Variants in COL25A1 observed in about 807,000 individuals in gnomAD.
COL25A1 encodes collagen type XXV alpha 1 chain.
In COL25A1, 103 loss-of-function variants were observed where a neutral mutation model predicts 128.4. That is an observed-to-expected ratio of 0.80 (90% CI 0.68 to 0.94). The LOEUF (loss-of-function observed/expected upper bound fraction) is 0.94, where lower values mean the gene tolerates loss of function less well. Among genes scored for constraint, COL25A1 ranks in the 40% least tolerant of loss-of-function variants. The pLI, the probability that COL25A1 is intolerant of heterozygous loss-of-function variation, is 0.00. For missense variants in COL25A1, 745 were observed against 840.0 expected (o/e 0.89, Z 1.40); for synonymous variants, 279 against 277.2 (o/e 1.01, Z -0.06).
Position 108,841,740 on chromosome 4 carries a change from GC to G in COL25A1, c.1630-20del. ...GAGGTCCCTGAAAATGGAAAACAGAGCTTTTAATTAAGAATTGATTCCCTGT... is the reference window on the plus strand; with the variant it reads ...GAGGTCCCTGAAAATGGAAAACAGAGTTTTAATTAAGAATTGATTCCCTGT... On this transcript the variant is annotated intron_variant, in intron 30 of 37. Transcript: ENST00000399132. 1 of 1,599,424 alleles carries G rather than the reference GC, an allele frequency of 6.3e-7. No homozygotes were observed. Among genetic ancestry groups the G allele is most frequent in the Non-Finnish European group, 8.6e-7 (1 of 1,166,968 alleles).
chr4:109,091,752 G>A (rs1425004630), intron 3 of COL25A1, among the ~76,000 whole-genome samples: 3 of 149,690 alleles, frequency 2.0e-5, no homozygotes, highest in Non-Finnish European at 3.0e-5. Context: ...AAAAAGCCCT[G>A]TACAATACTG....
chr4:109,257,957 G>A (rs1781184356), intron 3 of COL25A1, among the ~76,000 whole-genome samples: 1 of 152,168 alleles, frequency 6.6e-6, no homozygotes, highest in Admixed American at 6.5e-5. Context: ...TAGGAAGTTG[G>A]TAAAATATGA....
chr4:108,870,278 T>C (rs959105593), intron 19 of COL25A1, among the ~76,000 whole-genome samples: 6 of 151,986 alleles, frequency 3.9e-5, no homozygotes, highest in Non-Finnish European at 7.4e-5. Context: ...CAAAAAGACA[T>C]ACTAAAATGT....
chr4:108,939,697 G>C (rs1245619852), intron 10 of COL25A1, among the ~76,000 whole-genome samples: 6 of 151,984 alleles, frequency 3.9e-5, no homozygotes, highest in African/African-American at 9.7e-5. Context: ...AAAATAATTT[G>C]TTAAATAAAT....
chr4:108,993,588 G>A (rs1236586368), intron 6 of COL25A1, among the ~76,000 whole-genome samples: 2 of 152,110 alleles, frequency 1.3e-5, no homozygotes. Context: ...AGCTGGGTGC[G>A]GTGACTCACG....
chr4:109,298,955 T>G (rs1466688974), intron 3 of COL25A1, among the ~76,000 whole-genome samples: 1 of 152,176 alleles, frequency 6.6e-6, no homozygotes, highest in Non-Finnish European at 1.5e-5. Context: ...TAAGATAATA[T>G]ACAGTAAATT....
intron 6 of COL25A1, among the ~76,000 whole-genome samples, chr4:108,976,397 G>A (rs888814744): frequency 2.0e-5 from 3 of 152,156 alleles, no homozygotes; most frequent in East Asian, 1.9e-4. Flanking sequence ...GTGATGCTAC[G>A]TATGTGGCTC....
intron 3 of COL25A1, among the ~76,000 whole-genome samples, chr4:109,079,123 A>T (rs555469362): frequency 2.2e-4 from 34 of 152,328 alleles, no homozygotes; most frequent in African/African-American, 7.9e-4. Context: ...GAATGGTGTT[A>T]AATAAGACAG....
intron 3 of COL25A1, among the ~76,000 whole-genome samples, chr4:109,059,645 T>C (rs1039237920): frequency 4.6e-5 from 7 of 152,204 alleles, no homozygotes; most frequent in East Asian, 3.9e-4. Context: ...AGAACACTCA[T>C]GGCTCGTCTA....
At position 109,301,977 on chromosome 4, in the gene COL25A1, G is replaced by C; in HGVS notation, c.43C>G (p.Pro15Ala). The change falls in exon 2 of 38, where the codon CCC becomes GCC. Residue 15 changes from proline to alanine, a missense_variant. By Grantham distance (27) the Pro-to-Ala change is conservative. Around this residue, in one of 3 missense-constraint regions of COL25A1, gnomAD observed 319 missense variants for 324.9 expected, o/e 0.98. Transcript: ENST00000399132. The stretch of plus-strand genomic sequence containing the variant: ...GCAGGGGTCGGGTCCTCGGATCTGG[G>C]CTCCCGGCCCCCTCCTTTCCCTGCG... ...KHAGKGGGRE[P>A]RSEDPTPAEQ... 1 of 1,607,840 alleles carries C rather than the reference G, an allele frequency of 6.2e-7. No individual in the cohort carries two copies. The highest frequency in any genetic ancestry group is 1.1e-5 in the South Asian group (1 of 90,960).
At chr4:109,011,380 G>C (rs1389285274) in intron 5 of COL25A1, among the ~76,000 whole-genome samples, 1 of 151,882 alleles carries the variant, frequency 6.6e-6, no homozygotes, top group Non-Finnish European at 1.5e-5. Flanking sequence ...AACTCACTGG[G>C]GATAGAACAG....
In COL25A1 at chr4:108,879,474, G is replaced by A. The variant is rs562027178; in HGVS notation, c.1020+4704C>T. Among the ~76,000 whole-genome samples the A allele has an allele frequency of 2.6e-5, 4 of 152,134 alleles. No individual in the cohort carries two copies. The South Asian group carries it at 6.2e-4, about 24-fold the overall frequency. ...TTGTTGTTGTTCTTCTTGAGATGGA[G>A]TCTCACTCTGTTGCCCAGGCAGGAA... On this transcript the variant is annotated intron_variant, in intron 19 of 37. Transcript: ENST00000399132.
At chr4:108,977,427 C>T (rs1752540404) in intron 6 of COL25A1, among the ~76,000 whole-genome samples, 1 of 152,078 alleles carries the variant, frequency 6.6e-6, no homozygotes, top group Non-Finnish European at 1.5e-5. Flanking sequence ...TCTGTGTGTT[C>T]ATCTCTGGAA....
chr4:109,078,378 G>A (rs1763561562), intron 3 of COL25A1, among the ~76,000 whole-genome samples: 1 of 151,936 alleles, frequency 6.6e-6, no homozygotes, highest in Admixed American at 6.6e-5. Flanking sequence ...AATTTTTGAG[G>A]TTATCTATCA....
At chr4:109,151,502 C>T (rs1771502812) in intron 3 of COL25A1, among the ~76,000 whole-genome samples, 1 of 151,960 alleles carries the variant, frequency 6.6e-6, no homozygotes, top group Non-Finnish European at 1.5e-5. Flanking sequence ...ATATATAATG[C>T]CAGTAACCTT....
intron 32 of COL25A1, among the ~76,000 whole-genome samples, chr4:108,829,212 T>C (rs972441033): frequency 5.9e-5 from 9 of 152,112 alleles, no homozygotes; most frequent in African/African-American, 2.2e-4. Context: ...AAACAGTCCC[T>C]TTAAGAATGG....
chr4:109,300,548 C>T lies in COL25A1; in HGVS notation c.367+35G>A, dbSNP rs372788123. On this transcript the variant is annotated intron_variant, in intron 3 of 37. Transcript: ENST00000399132. ...GACCTTTGTTTTAAAATGCTCTGCTCTGGAGGAAACCTTGTTAAATAAGTT... is the reference window on the plus strand; with the variant it reads ...GACCTTTGTTTTAAAATGCTCTGCTTTGGAGGAAACCTTGTTAAATAAGTT... 3.9e-5 allele frequency: 56 copies of T among 1,444,896 alleles called. No individual in the cohort carries two copies. In the African/African-American group the frequency reaches 7.5e-4, roughly 19 times the overall value. The allele number at this position is 1,444,896 out of a possible 1,614,324, so 89.5% of individuals were successfully genotyped here.
chr4:108,845,309 A>C, intron 28 of COL25A1, 58 bp from the exon 29 acceptor site: 1 of 1,397,772 alleles, frequency 7.2e-7, no homozygotes, highest in East Asian at 2.3e-5. Flanking sequence ...TGTAAGAGAC[A>C]ACTGAATTTT....
intron 8 of COL25A1, among the ~76,000 whole-genome samples, chr4:108,973,020 T>C (rs1752072384): frequency 6.6e-6 from 1 of 152,220 alleles, no homozygotes; most frequent in Non-Finnish European, 1.5e-5. Context: ...ACCCTTCACT[T>C]CCTTTGCCAA....
Sources: allele counts gnomAD v4.1 joint callset (sites outside exome capture counted in the v4.1 genomes callset), GRCh38; gene constraint gnomAD v4.1.1; regional missense constraint gnomAD v4.1.1; transcripts MANE v1.5; gene names NCBI Gene and HGNC (gene_info 2026-07-23, HGNC 2026-07-21).